Variants in MEGF11 observed in about 807,000 individuals in gnomAD.
MEGF11 encodes multiple epidermal growth factor-like domains protein 11.
In MEGF11, 126 loss-of-function variants were observed where a neutral mutation model predicts 146.6. That is an observed-to-expected ratio of 0.86 (90% confidence interval 0.74 to 1.00). The LOEUF (loss-of-function observed/expected upper bound fraction) is 1.00. Ranked by LOEUF, MEGF11 falls within the 50% of genes least tolerant of loss-of-function variation. The pLI is 0.00. For synonymous variants in MEGF11, 532 were observed against 583.4 expected (o/e 0.91, Z 1.27); for missense variants, 1,509 against 1,521.2 (o/e 0.99, Z 0.13).
At chr15:66,213,032 A>G (rs2091501951) in intron 1 of MEGF11, among the ~76,000 whole-genome samples, 1 of 152,124 alleles carries the variant, frequency 6.6e-6, no homozygotes, top group Admixed American at 6.6e-5. Context: ...ATATCGGGAA[A>G]TTGTGGACAA....
intron 1 of MEGF11, among the ~76,000 whole-genome samples, chr15:66,145,815 C>A (rs1474675275): frequency 2.0e-5 from 3 of 152,160 alleles, no homozygotes; most frequent in African/African-American, 7.2e-5. Flanking sequence ...TGACTCCGGA[C>A]AAATGACTTA....
chr15:66,218,372 G>A (rs1158461909), intron 1 of MEGF11, among the ~76,000 whole-genome samples: 1 of 152,180 alleles, frequency 6.6e-6, no homozygotes, highest in Non-Finnish European at 1.5e-5. Context: ...GGCTCATGGG[G>A]CCTGCAACCA....
Position 65,906,218 on chromosome 15 carries a change from T to C in MEGF11, c.2999-77A>G, listed in dbSNP as rs1596816125. On this transcript the variant is annotated intron_variant, in intron 23 of 25. Coordinates refer to ENST00000395614, the MANE Select transcript of MEGF11 (RefSeq NM_001385028.1). ...AGACTGCTTGTGTTCTTCTTTCTTT[T>C]CTTGCTTTTCCCCCCCCTTCTCCCC... The C allele has an allele frequency of 2.4e-5, 26 of 1,106,052 alleles. No individual in the cohort carries two copies. In the East Asian group the frequency reaches 6.2e-4, roughly 26 times the overall value. 68.5% of individuals were successfully genotyped at this position (1,106,052 alleles called of 1,614,324 possible).
At chr15:65,954,482 T>C (rs1374419786) in intron 10 of MEGF11, among the ~76,000 whole-genome samples, 1 of 152,162 alleles carries the variant, frequency 6.6e-6, no homozygotes, top group Non-Finnish European at 1.5e-5. Flanking sequence ...TGTTCTGTAA[T>C]CACCTCCTGC....
intron 5 of MEGF11, among the ~76,000 whole-genome samples, chr15:66,057,826 A>T (rs1412306554): frequency 6.6e-6 from 1 of 152,222 alleles, no homozygotes; most frequent in East Asian, 1.9e-4. Flanking sequence ...CCCAGCTCTT[A>T]AGTAGAATTA....
intron 1 of MEGF11, among the ~76,000 whole-genome samples, chr15:66,186,719 A>G (rs1351031): frequency 0.75 from 113,801 of 152,170 alleles, 43,285 homozygotes; most frequent in African/African-American, 0.89. Flanking sequence ...AGAGGCAAAT[A>G]CCATTTGTGT....
intron 2 of MEGF11, among the ~76,000 whole-genome samples, chr15:66,125,669 G>A (rs760984735): frequency 5.3e-5 from 8 of 152,326 alleles, no homozygotes; most frequent in Admixed American, 6.5e-5. Flanking sequence ...CACTATACAC[G>A]TAACATGCTT....
intron 5 of MEGF11, among the ~76,000 whole-genome samples, chr15:66,012,259 A>T (rs989913343): frequency 1.3e-5 from 2 of 152,224 alleles, no homozygotes; most frequent in Non-Finnish European, 2.9e-5. Context: ...TTTTCTCCTA[A>T]AATCCTTACT....
chr15:66,140,834 G>A (rs1375664077), intron 1 of MEGF11, among the ~76,000 whole-genome samples: 1 of 152,214 alleles, frequency 6.6e-6, no homozygotes, highest in Non-Finnish European at 1.5e-5. Flanking sequence ...AAGCGGGCCT[G>A]GAAGTCTGAG....
At chr15:65,975,127 A>G (rs1476828558) in intron 7 of MEGF11, among the ~76,000 whole-genome samples, 4 of 152,154 alleles carry the variant, frequency 2.6e-5, no homozygotes, top group Non-Finnish European at 4.4e-5. Context: ...GATTACAGGC[A>G]TGAACCACTA....
At chr15:66,119,413 C>T (rs1377097041) in intron 3 of MEGF11, among the ~76,000 whole-genome samples, 2 of 152,170 alleles carry the variant, frequency 1.3e-5, no homozygotes, top group Non-Finnish European at 2.9e-5. Context: ...GCTGACTTTT[C>T]CCCAGTCACT....
At chr15:66,119,641 C>G (rs1450824380) in intron 3 of MEGF11, among the ~76,000 whole-genome samples, 2 of 152,042 alleles carry the variant, frequency 1.3e-5, no homozygotes, top group Non-Finnish European at 2.9e-5. Flanking sequence ...GGTCCCCCCA[C>G]TTGAAGAACT....
intron 4 of MEGF11, among the ~76,000 whole-genome samples, chr15:66,115,921 A>G (rs1370337540): frequency 6.6e-6 from 1 of 152,176 alleles, no homozygotes; most frequent in African/African-American, 2.4e-5. Flanking sequence ...CCTGGATCTC[A>G]GACTTCTGAG....
chr15:66,085,734 A>G (rs1032547589), intron 5 of MEGF11, among the ~76,000 whole-genome samples: 2 of 152,250 alleles, frequency 1.3e-5, no homozygotes, highest in East Asian at 3.8e-4. Flanking sequence ...AAGGAACCAG[A>G]AAACCAACCC....
intron 17 of MEGF11, 95 bp from the exon 18 acceptor site, chr15:65,916,371 T>C (rs1386201308): frequency 2.1e-6 from 3 of 1,434,160 alleles, no homozygotes; most frequent in African/African-American, 1.4e-5. Flanking sequence ...CTTTTTTTGC[T>C]GAGCATGGGA....
At chr15:66,127,401 A>G (rs1050221363) in intron 2 of MEGF11, among the ~76,000 whole-genome samples, 3 of 152,176 alleles carry the variant, frequency 2.0e-5, no homozygotes, top group Non-Finnish European at 4.4e-5. Context: ...AGGCTACCCC[A>G]GAGCCAGGTC....
At chr15:66,224,362 G>A (rs937099962) in intron 1 of MEGF11, among the ~76,000 whole-genome samples, 1 of 151,972 alleles carries the variant, frequency 6.6e-6, no homozygotes, top group Admixed American at 6.6e-5. Context: ...ATCACTTGAG[G>A]CCGGGAGTTC....
intron 8 of MEGF11, among the ~76,000 whole-genome samples, chr15:65,968,025 C>T (rs994523886): frequency 1.2e-4 from 19 of 152,144 alleles, no homozygotes; most frequent in Admixed American, 1.2e-3. Flanking sequence ...CTGCATGTGG[C>T]TAAGATGACC....
chr15:66,149,704 A>C, intron 1 of MEGF11, among the ~76,000 whole-genome samples: 1 of 152,224 alleles, frequency 6.6e-6, no homozygotes, highest in South Asian at 2.1e-4. Flanking sequence ...GGATTCAACA[A>C]AAAGAGGGAG....
Sources: gnomAD v4.1 joint callset for allele counts (sites outside exome capture counted in the v4.1 genomes callset) on GRCh38, gnomAD v4.1.1 for gene constraint, MANE v1.5 for transcripts, NCBI Gene and HGNC (gene_info 2026-07-23, HGNC 2026-07-21) for gene names.